GOLT1B: variants seen among roughly 807,000 people sequenced by gnomAD.
GOLT1B encodes vesicle transport protein GOT1B.
In GOLT1B, 3 loss-of-function variants were observed where a neutral mutation model predicts 15.4. That is an observed-to-expected ratio of 0.19 (90% CI 0.09 to 0.50). The LOEUF is 0.50. Among genes scored for constraint, GOLT1B ranks in the 20% least tolerant of loss-of-function variants. The pLI, the probability that GOLT1B is intolerant of heterozygous loss-of-function variation, is 0.97. For missense variants in GOLT1B, 145 were observed against 160.4 expected (o/e 0.90, Z 0.52); for synonymous variants, 65 against 56.2 (o/e 1.16, Z -0.70).
intron 1 of GOLT1B, among the ~76,000 whole-genome samples, chr12:21,504,392 T>C (rs899744563): frequency 6.6e-6 from 1 of 152,210 alleles, no homozygotes; most frequent in Non-Finnish European, 1.5e-5. Flanking sequence ...TTGAGACTTT[T>C]GACCAGTGTG....
At chr12:21,515,225 T>A in intron 4 of GOLT1B, 1 of 1,398,832 alleles carries the variant, frequency 7.1e-7, no homozygotes, top group Non-Finnish European at 9.8e-7. Context: ...GAGTTAAATC[T>A]GTTTGTCCAA....
chr12:21,512,406 A>G (rs779749931), intron 4 of GOLT1B, 30 bp downstream of exon 4: 1 of 986,618 alleles, frequency 1.0e-6, no homozygotes, highest in Non-Finnish European at 1.6e-6. Flanking sequence ...TTAGGCCAAC[A>G]AAATACGTAT....
At position 21,510,426 on chromosome 12, in the gene GOLT1B, A is replaced by AGATGAATAAAATGG. The variant is rs1943711449; in HGVS notation, c.297-1858_297-1857insTGGGATGAATAAAA. On this transcript the variant is annotated intron_variant, in intron 3 of 4. Transcript: ENST00000229314. Reference sequence around the variant, plus strand: ...GGTTAAAAGCCAAAGCTGATCTTTGAGATGAATAAAAAATGGGAAGTCTTA... The same window carrying AGATGAATAAAATGG: ...GGTTAAAAGCCAAAGCTGATCTTTGAGATGAATAAAATGGGATGAATAAAAAATGGGAAGTCTTA... Among the ~76,000 whole-genome samples the AGATGAATAAAATGG allele has an allele frequency of 5.9e-5, 9 of 152,358 alleles. No homozygotes were observed. In the South Asian group the frequency reaches 1.9e-3, roughly 32 times the overall value.
chr12:21,517,326 A>G lies in GOLT1B; in HGVS notation c.*1619A>G, dbSNP rs952940028. On this transcript the variant is annotated 3_prime_UTR_variant, in exon 5 of 5. Transcript: ENST00000229314. ...GATGTATCTGTGAAAATGGGATGATATTGACAAATGGAGACTCCTACCTCA... is the reference window on the plus strand; with the variant it reads ...GATGTATCTGTGAAAATGGGATGATGTTGACAAATGGAGACTCCTACCTCA... 1.3e-5 allele frequency: 2 copies of G among 152,434 alleles called. No homozygotes were observed. Among genetic ancestry groups the G allele is most frequent in the African/African-American group, 2.4e-5 (1 of 41,438 alleles). The allele number at this position is 152,434 out of a possible 1,614,324, so 9.4% of individuals were successfully genotyped here. A position where few individuals can be genotyped will look rare whatever the true frequency, so the allele number is the denominator to read the frequency against.
At chr12:21,513,425 C>T (rs757477725) in intron 4 of GOLT1B, among the ~76,000 whole-genome samples, 97 of 152,112 alleles carry the variant, frequency 6.4e-4, no homozygotes, top group South Asian at 4.1e-4. Flanking sequence ...TTCCTGACTC[C>T]CTGTGGCTGA....
chr12:21,514,228 CT>C (rs1322092056), intron 4 of GOLT1B, among the ~76,000 whole-genome samples: 1 of 152,148 alleles, frequency 6.6e-6, no homozygotes, highest in East Asian at 1.9e-4. Flanking sequence ...GATAAACTAG[CT>C]TTATAGGAAA....
At chr12:21,502,968 A>G (rs1943647429) in intron 1 of GOLT1B, among the ~76,000 whole-genome samples, 2 of 152,152 alleles carry the variant, frequency 1.3e-5, no homozygotes, top group East Asian at 3.8e-4. Flanking sequence ...TCTTGTGGAG[A>G]TTCAAGTCAT....
chr12:21,510,357 A>G (rs964262504), intron 3 of GOLT1B, among the ~76,000 whole-genome samples: 9 of 152,212 alleles, frequency 5.9e-5, no homozygotes, highest in African/African-American at 1.9e-4. Context: ...AAGAAGTAAG[A>G]AAATCATTGG....
At chr12:21,510,952 A>G (rs1943715114) in intron 3 of GOLT1B, among the ~76,000 whole-genome samples, 2 of 152,142 alleles carry the variant, frequency 1.3e-5, no homozygotes, top group African/African-American at 2.4e-5. Context: ...GCTGTGACCA[A>G]ATGGGTGGGG....
chr12:21,512,219 C>T (rs1943724950), intron 3 of GOLT1B, 76 bp from the exon 4 acceptor site: 1 of 786,240 alleles, frequency 1.3e-6, no homozygotes, highest in African/African-American at 1.7e-5. Flanking sequence ...AGGATACTTT[C>T]TTTTTCCTTG....
At chr12:21,502,677 A>G (rs1208562895) in intron 1 of GOLT1B, among the ~76,000 whole-genome samples, 1 of 152,058 alleles carries the variant, frequency 6.6e-6, no homozygotes, top group Non-Finnish European at 1.5e-5. Context: ...TTTCATCTCT[A>G]AAGCTAGCAT....
intron 2 of GOLT1B, among the ~76,000 whole-genome samples, chr12:21,507,642 T>C (rs1943689129): frequency 6.6e-6 from 1 of 152,036 alleles, no homozygotes; most frequent in Admixed American, 6.6e-5. Context: ...ATAATAGCAT[T>C]AGTATCCTAG....
chr12:21,509,325 G>C (rs1943702306), intron 3 of GOLT1B, among the ~76,000 whole-genome samples: 1 of 142,898 alleles, frequency 7.0e-6, no homozygotes, highest in South Asian at 2.3e-4. Flanking sequence ...TTTGAACCTG[G>C]GAGGCGGAAG....
rs1031335062 is a variant in GOLT1B, at chr12:21,505,614, A to C, written c.26-1271A>C. Among the ~76,000 whole-genome samples, 6 of 152,182 alleles carry C rather than the reference A, an allele frequency of 3.9e-5. No individual in the cohort carries two copies. The South Asian group carries it at 8.3e-4, about 21-fold the overall frequency. ...AATTGAGCAGGTGGGGAATGTAGAA[A>C]AAGCTAAAGTTGATAAAAGTTTTCA... On this transcript the variant is annotated intron_variant, in intron 1 of 4. Transcript: ENST00000229314.
chr12:21,508,277 C>A, intron 2 of GOLT1B, 106 bp from the exon 3 acceptor site: 1 of 713,160 alleles, frequency 1.4e-6, no homozygotes, highest in Non-Finnish European at 2.3e-6. Context: ...ACATTAAAAG[C>A]CAAACAAATG....
intron 4 of GOLT1B, among the ~76,000 whole-genome samples, chr12:21,512,863 G>A (rs985164774): frequency 1.3e-5 from 2 of 151,932 alleles, no homozygotes; most frequent in African/African-American, 2.4e-5. Context: ...CTAGGAGTTC[G>A]AGACCAGCCT....
intron 4 of GOLT1B, among the ~76,000 whole-genome samples, chr12:21,514,103 A>G (rs1360690550): frequency 6.6e-6 from 1 of 152,230 alleles, no homozygotes; most frequent in African/African-American, 2.4e-5. Context: ...TAGGTGATCT[A>G]GAATTCAGCT....
At chr12:21,510,832 T>C (rs1292910862) in intron 3 of GOLT1B, among the ~76,000 whole-genome samples, 2 of 152,230 alleles carry the variant, frequency 1.3e-5, no homozygotes, top group Non-Finnish European at 2.9e-5. Flanking sequence ...CAGAATCTTA[T>C]TGCTTAACTT....
At chr12:21,509,264 T>G (rs1214576494) in intron 3 of GOLT1B, among the ~76,000 whole-genome samples, 1 of 151,756 alleles carries the variant, frequency 6.6e-6, no homozygotes, top group Non-Finnish European at 1.5e-5. Flanking sequence ...CTGGCCATGC[T>G]GGCAGGCGCC....
Sources: gnomAD v4.1 joint callset for allele counts (sites outside exome capture counted in the v4.1 genomes callset) on GRCh38, gnomAD v4.1.1 for gene constraint, MANE v1.5 for transcripts, NCBI Gene and HGNC (gene_info 2026-07-23, HGNC 2026-07-21) for gene names.